Variants in VPS35 observed in about 807,000 individuals in gnomAD.
VPS35 encodes vacuolar protein sorting-associated protein 35.
A neutral mutation model predicts 98.1 loss-of-function variants in VPS35; 21 were observed. The ratio of observed to expected loss-of-function variants is 0.21; its 90% CI spans 0.15 to 0.31. The LOEUF (loss-of-function observed/expected upper bound fraction) is 0.31, where lower values mean the gene tolerates loss of function less well. Ranked by LOEUF, VPS35 falls within the 10% of genes least tolerant of loss-of-function variation. The probability of loss-of-function intolerance (pLI) is 1.00; values close to 1 mark genes in which losing one functional copy is unlikely to be tolerated. For synonymous variants in VPS35, 268 were observed against 318.2 expected (o/e 0.84, Z 1.68); for missense variants, 554 against 950.8 (o/e 0.58, Z 5.49).
chr16:46,660,410 C>T lies in VPS35; in HGVS notation c.*62G>A. 1 of 1,596,444 alleles carries T rather than the reference C, an allele frequency of 6.3e-7. No homozygotes were observed. Among genetic ancestry groups the T allele is most frequent in the Non-Finnish European group, 8.5e-7 (1 of 1,171,148 alleles). ...AAAGGCACAATCTATGGAAGGGAAA[C>T]CTAGCGTAATAAAACCCTCACTGGA... On this transcript the variant is annotated 3_prime_UTR_variant, in exon 17 of 17. Transcript: ENST00000299138.
At chr16:46,680,486 T>G (rs903275323) in intron 5 of VPS35, among the ~76,000 whole-genome samples, 185 bp downstream of exon 5, 2 of 152,216 alleles carry the variant, frequency 1.3e-5, no homozygotes, top group Non-Finnish European at 2.9e-5. Flanking sequence ...AAGAGTACAT[T>G]TTAGATGATA....
rs1188918795 is a variant in VPS35, at chr16:46,668,920, G to C, written c.1647+10C>G. 2 of 1,613,822 alleles carry C rather than the reference G, an allele frequency of 1.2e-6. No homozygotes were observed. The highest frequency in any genetic ancestry group is 2.7e-5 in the African/African-American group (2 of 74,910). Reference sequence around the variant, plus strand: ...AAAAAAAGTACCTAAATACTTAAAAGTAAACTCACCACTTTAGAATTCTCT... The same window carrying C: ...AAAAAAAGTACCTAAATACTTAAAACTAAACTCACCACTTTAGAATTCTCT... On this transcript the variant is annotated intron_variant, in intron 13 of 16. Coordinates refer to ENST00000299138, the MANE Select transcript of VPS35 (RefSeq NM_018206.6).
chr16:46,671,678 A>G, intron 12 of VPS35, 27 bp downstream of exon 12: 1 of 1,613,920 alleles, frequency 6.2e-7, no homozygotes, highest in Non-Finnish European at 8.5e-7. Flanking sequence ...GAGCTGATAC[A>G]GGGATATACT....
At position 46,658,726 on chromosome 16, in the gene VPS35, T is replaced by G. The variant is rs558779814; in HGVS notation, c.*1746A>C. ...AGAACAGAAAGGGTTTGCTGGACTA[T>G]GACATACCACAGAATGGCTTAACAT... On this transcript the variant is annotated 3_prime_UTR_variant, in exon 17 of 17. Coordinates refer to ENST00000299138, the MANE Select transcript of VPS35 (RefSeq NM_018206.6). The G allele has an allele frequency of 5.3e-5, 8 of 152,366 alleles. No homozygotes were observed. Among genetic ancestry groups the G allele is most frequent in the Admixed American group, 2.6e-4 (4 of 15,308 alleles). The allele number at this position is 152,366 out of a possible 1,614,324, so 9.4% of individuals were successfully genotyped here. A position where few individuals can be genotyped will look rare whatever the true frequency, so the allele number is the denominator to read the frequency against.
At chr16:46,677,191 C>G in intron 7 of VPS35, 124 bp downstream of exon 7, 1 of 900,022 alleles carries the variant, frequency 1.1e-6, no homozygotes, top group Non-Finnish European at 1.8e-6. Context: ...TCACCACACC[C>G]CGCAAGGAAA....
In VPS35 at chr16:46,683,792, T is replaced by G. The variant is rs1596725700; in HGVS notation, c.4-186A>C. Among the ~76,000 whole-genome samples the G allele has an allele frequency of 3.9e-5, 6 of 152,304 alleles. 1 individual carries two copies. Among genetic ancestry groups the G allele is most frequent in the Admixed American group, 3.9e-4 (6 of 15,296 alleles). ...CAGGCTGGAGTGCAGTGGTGCCATC[T>G]CGGCTCATGGCAAGCTCCGCCTCCC... On this transcript the variant is annotated intron_variant, in intron 1 of 16. Coordinates refer to ENST00000299138, the MANE Select transcript of VPS35 (RefSeq NM_018206.6).
chr16:46,672,463 G>A lies in VPS35; in HGVS notation c.1170C>T (p.Thr390=), dbSNP rs757485744. 1 of 1,612,118 alleles carries A rather than the reference G, an allele frequency of 6.2e-7. No homozygotes were observed. The highest frequency in any genetic ancestry group is 1.1e-5 in the South Asian group (1 of 90,998). ...TGAGTTCCTTTGAAACTGCACTACT[G>A]GTAGCAATACTACAAAAAGAAAAAC... The part of the protein sequence containing the change: ...FNKLNLEHIA[T]SSAVSKELTR... The change falls in exon 11 of 17, where the codon ACC becomes ACT. Residue 390 remains threonine (T), a synonymous_variant. Transcript: ENST00000299138.
chr16:46,660,516 A>T lies in VPS35; in HGVS notation c.2347T>A (p.Ser783Thr), dbSNP rs773175370. 5 of 1,614,074 alleles carry T rather than the reference A, an allele frequency of 3.1e-6. No homozygotes were observed. The highest frequency in any genetic ancestry group is 4.2e-6 in the Non-Finnish European group (5 of 1,180,028). ...TAAATTGGCCCCTCGGATTCTGGTG[A>T]TTCCCGCCGCAAGCGCAAATGCTCC... ...TLEHLRLRRESPESEGPIYEG... is the reference protein window; with the variant it reads ...TLEHLRLRRETPESEGPIYEG... The change falls in exon 17 of 17, where the codon TCA (serine) becomes ACA (threonine). Residue 783 changes from serine (S) to threonine (T), a missense_variant. By Grantham distance (58) the Ser-to-Thr change is moderately conservative. Transcript: ENST00000299138.
In VPS35 at chr16:46,662,227, T is replaced by C. The variant is rs765010319; in HGVS notation, c.2067+16A>G. The C allele has an allele frequency of 6.2e-7, 1 of 1,614,076 alleles. No homozygotes were observed. The highest frequency in any genetic ancestry group is 1.7e-5 in the Admixed American group (1 of 60,014). Reference sequence around the variant, plus strand: ...ATGGATCCTGTCTGCTATCATGCAGTCAGGAATGACCTTACCTCCTCCCCA... The same window carrying C: ...ATGGATCCTGTCTGCTATCATGCAGCCAGGAATGACCTTACCTCCTCCCCA... On this transcript the variant is annotated intron_variant, in intron 15 of 16. Coordinates refer to ENST00000299138, the MANE Select transcript of VPS35 (RefSeq NM_018206.6).
Position 46,660,191 on chromosome 16 carries a change from G to GTTTT in VPS35, c.*277_*280dup, listed in dbSNP as rs59370839. ...CAAGATAAGTGCTTGTGGGTTTTGT[G>GTTTT]TTTTTTTTTTTTTTTTTTTTTACAG... On this transcript the variant is annotated 3_prime_UTR_variant, in exon 17 of 17. Transcript: ENST00000299138. The GTTTT allele has an allele frequency of 2.7e-5, 4 of 146,304 alleles. No homozygotes were observed. Among genetic ancestry groups the GTTTT allele is most frequent in the Non-Finnish European group, 5.4e-5 (4 of 74,664 alleles). The allele number at this position is 146,304 out of a possible 1,614,324, so 9.1% of individuals were successfully genotyped here.
rs748277672 is a variant in VPS35 at position 46,661,225 on chromosome 16, A to AATT, written c.2211+490_2211+492dup. On this transcript the variant is annotated intron_variant, in intron 16 of 16. Coordinates refer to ENST00000299138, the MANE Select transcript of VPS35 (RefSeq NM_018206.6). The surrounding 1 kb of genome is among the most constrained non-coding windows in gnomAD (Gnocchi z 4.3). ...TTGCTAAAAGGATACTGCGTTTAGG[A>AATT]ATTATTATTATTATTATTTTTGAGA... Among the ~76,000 whole-genome samples the AATT allele has an allele frequency of 2.0e-4, 31 of 152,136 alleles. No individual in the cohort carries two copies. Among genetic ancestry groups the AATT allele is most frequent in the African/African-American group, 3.4e-4 (14 of 41,518 alleles).
chr16:46,683,471 C>A (rs1396203307), intron 2 of VPS35, 37 bp downstream of exon 2: 4 of 1,587,932 alleles, frequency 2.5e-6, no homozygotes, highest in Non-Finnish European at 3.5e-6. Context: ...TAGGAACACA[C>A]GAACTGCAAC....
At chr16:46,684,667 A>C (rs1966285455) in intron 1 of VPS35, among the ~76,000 whole-genome samples, 1 of 152,234 alleles carries the variant, frequency 6.6e-6, no homozygotes, top group South Asian at 2.1e-4. Context: ...CATTATTATT[A>C]TAAATGACGG....
intron 1 of VPS35, among the ~76,000 whole-genome samples, chr16:46,685,867 T>G (rs557338018): frequency 6.6e-6 from 1 of 152,288 alleles, no homozygotes; most frequent in Non-Finnish European, 1.5e-5. Context: ...TTATGATACA[T>G]CTGGATATTT....
At chr16:46,671,973 CT>C (rs1966076799) in intron 11 of VPS35, 113 bp from the exon 12 acceptor site, 7 of 1,455,388 alleles carry the variant, frequency 4.8e-6, no homozygotes, top group East Asian at 2.4e-5. Context: ...CAAGATATTC[CT>C]TTTTTTGGTG....
chr16:46,663,768 T>C (rs1323852981), intron 13 of VPS35, among the ~76,000 whole-genome samples: 1 of 148,424 alleles, frequency 6.7e-6, no homozygotes, highest in Non-Finnish European at 1.5e-5. Context: ...TGATCACAGC[T>C]CATTGCAGCC....
intron 1 of VPS35, 171 bp downstream of exon 1, chr16:46,688,960 T>A (rs1384229724): frequency 6.6e-7 from 1 of 1,503,812 alleles, no homozygotes; most frequent in Admixed American, 2.1e-5. Flanking sequence ...CGGATCAGCC[T>A]GCCCGCGGCC....
chr16:46,674,250 A>G, intron 10 of VPS35, 64 bp downstream of exon 10: 1 of 1,576,766 alleles, frequency 6.3e-7, no homozygotes, highest in Non-Finnish European at 8.7e-7. Flanking sequence ...AACAATTGAG[A>G]AAGAAAAGCA....
At chr16:46,680,015 G>T (rs1218240602) in intron 5 of VPS35, among the ~76,000 whole-genome samples, 1 of 152,038 alleles carries the variant, frequency 6.6e-6, no homozygotes, top group Non-Finnish European at 1.5e-5. Flanking sequence ...GAAAATAAAT[G>T]AATAAACTTT....
Sources: gnomAD v4.1 joint callset for allele counts (sites outside exome capture counted in the v4.1 genomes callset) on GRCh38, gnomAD v4.1.1 for gene constraint, Gnocchi (gnomAD v3.1) non-coding constraint, MANE v1.5 for transcripts, NCBI Gene and HGNC (gene_info 2026-07-23, HGNC 2026-07-21) for gene names.